The following ELSPBP1 variants were observed in gnomAD, a reference collection of about 807,000 sequenced individuals.
The protein encoded by ELSPBP1 is epididymal sperm-binding protein 1.
In ELSPBP1, 38 loss-of-function variants were observed where a neutral mutation model predicts 33.3. That is an observed-to-expected ratio of 1.14 (90% CI 0.88 to 1.50). The LOEUF (loss-of-function observed/expected upper bound fraction) is 1.50, where lower values mean the gene tolerates loss of function less well. ELSPBP1 is among the 40% of genes most tolerant of loss of function. The pLI is 0.00. For synonymous variants in ELSPBP1, 85 were observed against 94.1 expected (o/e 0.90, Z 0.56); for missense variants, 267 against 263.5 (o/e 1.01, Z -0.09).
At chr19:48,007,912 C>T (rs192155417) in intron 1 of ELSPBP1, among the ~76,000 whole-genome samples, 1 of 152,274 alleles carries the variant, frequency 6.6e-6, no homozygotes, top group East Asian at 1.9e-4. Flanking sequence ...GTGTGTTGAA[C>T]ATCGAGCCTG....
intron 1 of ELSPBP1, among the ~76,000 whole-genome samples, chr19:48,000,490 C>T (rs540509714): frequency 2.7e-5 from 4 of 150,792 alleles, no homozygotes; most frequent in African/African-American, 7.3e-5. Flanking sequence ...TCGCCCTCCT[C>T]GGCCTCCCAA....
intron 4 of ELSPBP1, among the ~76,000 whole-genome samples, chr19:48,016,703 A>G (rs1214875454): frequency 6.6e-6 from 1 of 151,540 alleles, no homozygotes; most frequent in Non-Finnish European, 1.5e-5. Flanking sequence ...GGTTCAAAGG[A>G]TTCTCCTGCC....
Position 48,011,102 on chromosome 19 carries a change from A to G in ELSPBP1, c.70+2365A>G, listed in dbSNP as rs191093764. 5.3e-5 allele frequency among the ~76,000 whole-genome samples: 8 copies of G among 152,064 alleles called. No individual in the cohort carries two copies. Among genetic ancestry groups the G allele is most frequent in the Admixed American group, 3.9e-4 (6 of 15,248 alleles). ...AATGATGACAACAATAATAGCGACA[A>G]TGACAATGATGATGGTGACAGTGAT... On this transcript the variant is annotated intron_variant, in intron 2 of 6. Transcript: ENST00000339841. This position sits in a 1 kb window ranked among gnomAD's most constrained non-coding sequence, Gnocchi z 4.5.
intron 1 of ELSPBP1, among the ~76,000 whole-genome samples, chr19:47,998,147 C>A (rs552848905): frequency 2.0e-5 from 3 of 152,256 alleles, no homozygotes; most frequent in African/African-American, 7.2e-5. Context: ...GGCGCGGTAG[C>A]TCAATCCTGT....
At chr19:48,004,333 C>A (rs1440497885) in intron 1 of ELSPBP1, among the ~76,000 whole-genome samples, 1 of 151,966 alleles carries the variant, frequency 6.6e-6, no homozygotes, top group East Asian at 1.9e-4. Context: ...CTCCTCCTCA[C>A]TTGTTGTAGA....
intron 6 of ELSPBP1, among the ~76,000 whole-genome samples, chr19:48,023,372 GAGAGGAAA>G (rs1967225778): frequency 1.0e-4 from 9 of 88,978 alleles, no homozygotes; most frequent in Admixed American, 1.2e-4. Flanking sequence ...GAGGAAGGAA[GAGAGGAAA>G]GGAGGGAGGA....
chr19:48,022,116 C>T lies in ELSPBP1; in HGVS notation c.515-54C>T, dbSNP rs75318061. ...GGTGGGCCTGAAGCCCACGCCTCTA[C>T]GACAGTGTGAAGCCTGAGGAGTAAC... On this transcript the variant is annotated intron_variant, in intron 5 of 6. Transcript: ENST00000339841. 3,639 of 1,547,346 alleles carry T rather than the reference C, an allele frequency of 2.4e-3. 85 individuals are homozygous for T. The African/African-American group carries it at 0.041, about 17-fold the overall frequency.
chr19:48,020,580 C>T (rs534255645), intron 5 of ELSPBP1, among the ~76,000 whole-genome samples: 87 of 152,240 alleles, frequency 5.7e-4, no homozygotes, highest in African/African-American at 1.7e-3. Context: ...AGCGAGTTGA[C>T]GCATTTGCAC....
rs1015305529 is a variant in ELSPBP1 at position 48,011,372 on chromosome 19, G to C, written c.70+2635G>C. ...TTATGACGATGATGATGATGATGGT[G>C]ACAATGATGATGACGATGATAATGA... On this transcript the variant is annotated intron_variant, in intron 2 of 6. Coordinates refer to ENST00000339841, the MANE Select transcript of ELSPBP1 (RefSeq NM_022142.5). The surrounding 1 kb of genome is among the most constrained non-coding windows in gnomAD (Gnocchi z 4.5). Among the ~76,000 whole-genome samples the C allele has an allele frequency of 1.1e-4, 17 of 151,556 alleles. No homozygotes were observed. The East Asian group carries it at 3.3e-3, about 29-fold the overall frequency.
chr19:48,015,501 A>T (rs185892659), intron 3 of ELSPBP1, among the ~76,000 whole-genome samples: 14 of 151,872 alleles, frequency 9.2e-5, no homozygotes, highest in East Asian at 7.7e-4. Context: ...ACTAAAAATT[A>T]AAAAAAATTA....
At chr19:48,018,820 G>T (rs1165082992) in intron 4 of ELSPBP1, among the ~76,000 whole-genome samples, 1 of 152,158 alleles carries the variant, frequency 6.6e-6, no homozygotes, top group Middle Eastern at 3.4e-3. Context: ...TGCTAATTAG[G>T]CAAGACTGAG....
chr19:48,021,443 T>A (rs1967199317), intron 5 of ELSPBP1, among the ~76,000 whole-genome samples: 1 of 104,330 alleles, frequency 9.6e-6, no homozygotes, highest in African/African-American at 3.4e-5. Flanking sequence ...TTTTGTTTTA[T>A]TTTATTTTAT....
intron 1 of ELSPBP1, among the ~76,000 whole-genome samples, chr19:48,003,544 T>C (rs991110274): frequency 6.7e-6 from 1 of 150,036 alleles, no homozygotes; most frequent in African/African-American, 2.4e-5. Flanking sequence ...CTGCTCTTTT[T>C]TTTTTTTTTT....
intron 5 of ELSPBP1, among the ~76,000 whole-genome samples, chr19:48,021,358 G>A (rs1967197543): frequency 6.6e-6 from 1 of 150,894 alleles, no homozygotes; most frequent in Non-Finnish European, 1.5e-5. Context: ...TCTGAGCAGT[G>A]CCCAGGCAGT....
At chr19:48,012,448 A>G (rs1180031816) in intron 2 of ELSPBP1, among the ~76,000 whole-genome samples, 1 of 152,010 alleles carries the variant, frequency 6.6e-6, no homozygotes, top group African/African-American at 2.4e-5. Flanking sequence ...TATTTCAGGG[A>G]CCATTAGTCT....
chr19:47,999,896 C>T (rs1966950135), intron 1 of ELSPBP1, among the ~76,000 whole-genome samples: 1 of 151,516 alleles, frequency 6.6e-6, no homozygotes, highest in African/African-American at 2.4e-5. Flanking sequence ...AATCATAGCT[C>T]ACTGCAGCCT....
At chr19:48,019,952 C>T (rs1056891248) in intron 5 of ELSPBP1, 75 bp downstream of exon 5, 2 of 1,499,724 alleles carry the variant, frequency 1.3e-6, no homozygotes, top group African/African-American at 1.4e-5. Context: ...CCTCCTGAAA[C>T]CCCACTGTGA....
intron 6 of ELSPBP1, among the ~76,000 whole-genome samples, chr19:48,023,582 GAGGA>G (rs1468856772): frequency 9.7e-4 from 104 of 107,324 alleles, no homozygotes; most frequent in African/African-American, 2.7e-3. Flanking sequence ...GGAAGGGAGG[GAGGA>G]AGGAAGGAAG....
At chr19:48,002,207 A>T (rs1174150455) in intron 1 of ELSPBP1, among the ~76,000 whole-genome samples, 8 of 152,174 alleles carry the variant, frequency 5.3e-5, no homozygotes, top group Non-Finnish European at 1.2e-4. Flanking sequence ...GGGGTCACAA[A>T]GGTAGTAAGA....
Sources: allele counts gnomAD v4.1 joint callset (sites outside exome capture counted in the v4.1 genomes callset), GRCh38; gene constraint gnomAD v4.1.1; non-coding constraint Gnocchi (gnomAD v3.1); transcripts MANE v1.5; gene names NCBI Gene and HGNC (gene_info 2026-07-23, HGNC 2026-07-21).